The following NGEF variants were observed in gnomAD, a reference collection of about 807,000 sequenced individuals.
The protein encoded by NGEF is neuronal guanine nucleotide exchange factor.
NGEF carries 31 observed loss-of-function variants against 80.9 expected under a neutral mutation model. The ratio of observed to expected loss-of-function variants is 0.38; its 90% confidence interval spans 0.29 to 0.52. The LOEUF (loss-of-function observed/expected upper bound fraction) is 0.52, where lower values mean the gene tolerates loss of function less well. NGEF is among the 20% of genes least tolerant of loss of function. The probability of loss-of-function intolerance (pLI) is 0.84; values close to 1 mark genes in which losing one functional copy is unlikely to be tolerated. For synonymous variants in NGEF, 371 were observed against 370.2 expected, an observed-to-expected ratio of 1.00 and a Z score of -0.03; for missense variants, 709 against 926.2, an observed-to-expected ratio of 0.77 and a Z score of 3.04.
chr2:232,986,462 T>C (rs1170721485), intron 1 of NGEF, among the ~76,000 whole-genome samples: 1 of 152,212 alleles, frequency 6.6e-6, no homozygotes, highest in Admixed American at 6.5e-5. Flanking sequence ...CATATGTCCA[T>C]CTACAGATAA....
Position 232,885,241 on chromosome 2 carries a change from G to A in NGEF, c.1437+39C>T, listed in dbSNP as rs1008679632. 3 of 1,592,998 alleles carry A rather than the reference G, an allele frequency of 1.9e-6. No individual in the cohort carries two copies. In the African/African-American group the frequency reaches 4.0e-5, roughly 21 times the overall value. On this transcript the variant is annotated intron_variant, in intron 10 of 14. Transcript: ENST00000264051. The stretch of plus-strand genomic sequence containing the variant: ...GCCTCTGGGGCGGGGCCAGGGGCCT[G>A]TGCATGGGCACAGGCTCACACCAAT...
At chr2:232,982,310 C>T (rs1694447365) in intron 1 of NGEF, among the ~76,000 whole-genome samples, 1 of 152,142 alleles carries the variant, frequency 6.6e-6, no homozygotes, top group Non-Finnish European at 1.5e-5. Flanking sequence ...AGGGGGACAG[C>T]ATGGTGGCAC....
At chr2:232,958,911 C>T (rs1693889069) in intron 3 of NGEF, among the ~76,000 whole-genome samples, 1 of 152,092 alleles carries the variant, frequency 6.6e-6, no homozygotes, top group South Asian at 2.1e-4. Flanking sequence ...TATTTTGAAG[C>T]AAATCCCAGA....
chr2:232,879,554 T>G lies in NGEF; in HGVS notation c.2068A>C (p.Met690Leu). ...TTCTGGCTGCGCTGAGGGTCATCCA[T>G]CTTGTGGACACGGAAACATTCCTTG... ...NLKECFRVHK[M>L]DDPQRSQNKD... The change falls in exon 15 of 15, where the codon ATG becomes CTG. Residue 690 changes from methionine to leucine, a missense_variant. Met to Leu is a conservative substitution (Grantham distance 15). Around this residue, in one of 2 missense-constraint regions of NGEF, gnomAD observed 426 missense variants for 622.9 expected, o/e 0.68. Coordinates refer to ENST00000264051, the MANE Select transcript of NGEF (RefSeq NM_019850.3). 6.2e-7 allele frequency: 1 copy of G among 1,613,840 alleles called. No individual in the cohort carries two copies. Among genetic ancestry groups the G allele is most frequent in the Non-Finnish European group, 8.5e-7 (1 of 1,179,940 alleles).
chr2:232,943,577 G>T (rs1334023453), intron 3 of NGEF, among the ~76,000 whole-genome samples: 2 of 149,332 alleles, frequency 1.3e-5, no homozygotes, highest in African/African-American at 4.9e-5. Flanking sequence ...CTCACTGCAA[G>T]CTCCGCCTCC....
intron 3 of NGEF, among the ~76,000 whole-genome samples, chr2:232,962,961 T>C (rs1034205898): frequency 1.3e-5 from 2 of 151,980 alleles, no homozygotes; most frequent in African/African-American, 2.4e-5. Flanking sequence ...AGTTAACGTA[T>C]GCATTAAACC....
chr2:232,897,275 T>A (rs1381867563), intron 5 of NGEF, among the ~76,000 whole-genome samples: 1 of 151,898 alleles, frequency 6.6e-6, no homozygotes, highest in Non-Finnish European at 1.5e-5. Flanking sequence ...AGCTCCAGGG[T>A]TAGAGGCATT....
intron 11 of NGEF, 31 bp from the exon 12 acceptor site, chr2:232,883,497 AG>A (rs1338268580): frequency 6.5e-7 from 1 of 1,535,094 alleles, no homozygotes; most frequent in Admixed American, 1.9e-5. Context: ...CAGGCGTGTC[AG>A]CCCCGAGGAG....
chr2:232,888,001 T>G lies in NGEF; in HGVS notation c.1347+32A>C, dbSNP rs754712997. 48 of 1,573,694 alleles carry G rather than the reference T, an allele frequency of 3.1e-5. 2 individuals are homozygous for G. In the South Asian group the frequency reaches 4.8e-4, roughly 16 times the overall value. ...TGCCTGGATGAGGAAAACAGTGCAT[T>G]GGGATACAGCACAAGAGGAGGTGAG... On this transcript the variant is annotated intron_variant, in intron 9 of 14. Transcript: ENST00000264051.
At chr2:232,956,132 G>C (rs1171974855) in intron 3 of NGEF, among the ~76,000 whole-genome samples, 1 of 152,124 alleles carries the variant, frequency 6.6e-6, no homozygotes, top group Non-Finnish European at 1.5e-5. Flanking sequence ...ATTGAGGCTT[G>C]AGGAGAGCAA....
rs796912891 is a variant in NGEF, at chr2:232,995,325, T to C, written c.-75+17743A>G. ...GTACAGTATGTATACTGTATATGTGTACAGTATGTATACTATATACAGTAT... is the reference window on the plus strand; with the variant it reads ...GTACAGTATGTATACTGTATATGTGCACAGTATGTATACTATATACAGTAT... On this transcript the variant is annotated intron_variant, in intron 1 of 14. Transcript: ENST00000264051. Among the ~76,000 whole-genome samples, 2 of 22,196 alleles carry C rather than the reference T, an allele frequency of 9.0e-5. 1 individual carries two copies. Among genetic ancestry groups the C allele is most frequent in the Non-Finnish European group, 1.4e-4 (2 of 14,140 alleles). 14.6% of individuals were successfully genotyped at this position (22,196 alleles called of 152,430 possible).
At chr2:232,889,064 C>T (rs1244645111) in intron 8 of NGEF, among the ~76,000 whole-genome samples, 1 of 152,146 alleles carries the variant, frequency 6.6e-6, no homozygotes, top group Non-Finnish European at 1.5e-5. Context: ...GCAGCCCAGG[C>T]CTCTCCTGTG....
intron 3 of NGEF, among the ~76,000 whole-genome samples, chr2:232,963,194 A>T (rs1468877582): frequency 6.6e-6 from 1 of 152,022 alleles, no homozygotes; most frequent in African/African-American, 2.4e-5. Flanking sequence ...TGGCATAAAG[A>T]TAGAAAATTA....
At chr2:232,962,741 T>A (rs772858281) in intron 3 of NGEF, among the ~76,000 whole-genome samples, 1 of 151,970 alleles carries the variant, frequency 6.6e-6, no homozygotes. Flanking sequence ...ACATTTACAT[T>A]AAAAACTACA....
intron 5 of NGEF, chr2:232,901,442 G>A (rs1030167567): frequency 2.0e-6 from 2 of 985,242 alleles, no homozygotes; most frequent in African/African-American, 3.5e-5. Context: ...TGTTTTTTTG[G>A]CTTCTCCCGA....
intron 1 of NGEF, among the ~76,000 whole-genome samples, chr2:233,000,829 G>A (rs572073508): frequency 1.0e-3 from 158 of 152,152 alleles, no homozygotes; most frequent in Middle Eastern, 3.4e-3. Flanking sequence ...TCATCACACG[G>A]GGGGTTAGGG....
chr2:232,879,139 T>A lies in NGEF; in HGVS notation c.*350A>T. 1 of 207,086 alleles carries A rather than the reference T, an allele frequency of 4.8e-6. No individual in the cohort carries two copies. The highest frequency in any genetic ancestry group is 1.6e-4 in the South Asian group (1 of 6,210). The allele number at this position is 207,086 out of a possible 1,614,324, so 12.8% of individuals were successfully genotyped here. On this transcript the variant is annotated 3_prime_UTR_variant, in exon 15 of 15. Transcript: ENST00000264051. The stretch of plus-strand genomic sequence containing the variant: ...TTCTGCCTGCCTCCCACAGGGACAC[T>A]CTGGGTTGGGAGCCTCTTCCAGTCC...
intron 5 of NGEF, among the ~76,000 whole-genome samples, chr2:232,916,234 G>A (rs923243350): frequency 8.5e-5 from 13 of 152,198 alleles, no homozygotes; most frequent in Admixed American, 1.3e-4. Flanking sequence ...TTTTTGCCAC[G>A]CACTGTCTTC....
chr2:232,977,850 G>A (rs996403851), intron 1 of NGEF, among the ~76,000 whole-genome samples: 1 of 152,162 alleles, frequency 6.6e-6, no homozygotes, highest in African/African-American at 2.4e-5. Context: ...CAGAGCTGCA[G>A]GGAGGAATGG....
Sources: gnomAD v4.1 joint callset for allele counts (sites outside exome capture counted in the v4.1 genomes callset) on GRCh38, gnomAD v4.1.1 for gene constraint, gnomAD v4.1.1 regional missense constraint, MANE v1.5 for transcripts, NCBI Gene and HGNC (gene_info 2026-07-23, HGNC 2026-07-21) for gene names.